The following UGT1A3 variants were observed in gnomAD, a reference collection of about 807,000 sequenced individuals.
UGT1A3 encodes UDP-glucuronosyltransferase 1A3.
In UGT1A3, 31 loss-of-function variants were observed where a neutral mutation model predicts 41.0. That is an observed-to-expected ratio of 0.76 (90% CI 0.57 to 1.02). The LOEUF (loss-of-function observed/expected upper bound fraction) is 1.02, where lower values mean the gene tolerates loss of function less well. Among genes scored for constraint, UGT1A3 ranks in the 50% least tolerant of loss-of-function variants. The pLI, the probability that UGT1A3 is intolerant of heterozygous loss-of-function variation, is 0.00. For missense variants in UGT1A3, 737 were observed against 671.0 expected (o/e 1.10, Z -1.09); for synonymous variants, 262 against 257.6 (o/e 1.02, Z -0.17).
In UGT1A3 at chr2:233,729,398, G is replaced by T; in HGVS notation, c.272G>T (p.Arg91Leu). 6.2e-7 allele frequency: 1 copy of T among 1,613,654 alleles called. No individual in the cohort carries two copies. ...TCGTGGACCCAGGATGAATTTGATC[G>T]CCATGTGCTGGGCCACACTCAACTG... is the stretch of plus-strand genomic sequence containing the variant. ...AISWTQDEFD[R>L]HVLGHTQLYF... Residue 91 changes from arginine to leucine, a missense_variant, in exon 1 of 5, where the codon CGC becomes CTC. Transcript: ENST00000482026.
chr2:233,743,852 G>C (rs770873874), intron 1 of UGT1A3: 2 of 1,367,108 alleles, frequency 1.5e-6, no homozygotes, highest in East Asian at 9.1e-5. Context: ...CTTGCGGTAC[G>C]CCTTCTTGAT....
intron 4 of UGT1A3, chr2:233,771,032 G>A (rs560864303): frequency 1.4e-4 from 22 of 152,232 alleles, no homozygotes; most frequent in African/African-American, 4.8e-4. Flanking sequence ...AGTTGGGGGG[G>A]AAGGTGCCAC....
chr2:233,747,799 A>C, intron 1 of UGT1A3: 1 of 1,613,474 alleles, frequency 6.2e-7, no homozygotes, highest in Non-Finnish European at 8.5e-7. Context: ...TATATTCCTA[A>C]GTTACTAACG....
chr2:233,766,710 C>T (rs1053778775), intron 1 of UGT1A3, among the ~76,000 whole-genome samples: 3 of 152,122 alleles, frequency 2.0e-5, no homozygotes, highest in Non-Finnish European at 1.5e-5. Context: ...TCTGTGTTCT[C>T]TAAGTGGAAT....
At chr2:233,753,552 A>G (rs1695233420) in intron 1 of UGT1A3, 1 of 152,146 alleles carries the variant, frequency 6.6e-6, no homozygotes, top group African/African-American at 2.4e-5. Context: ...CTCAGAGGTG[A>G]CCCTAGAAGA....
intron 1 of UGT1A3, 101 bp from the exon 2 acceptor site, chr2:233,766,933 A>C: frequency 6.3e-7 from 1 of 1,584,088 alleles, no homozygotes; most frequent in South Asian, 1.2e-5. Flanking sequence ...CATGCCTTTA[A>C]TCATAGTCTT....
chr2:233,763,903 G>A lies in UGT1A3; in HGVS notation c.868-3131G>A, dbSNP rs779915264. The stretch of plus-strand genomic sequence containing the variant: ...AGAAAAATAACTAAACAGAAGATTA[G>A]TGAGGACCAAGGCTTCGAGATGGCC... On this transcript the variant is annotated intron_variant, in intron 1 of 4. Coordinates refer to ENST00000482026, the MANE Select transcript of UGT1A3 (RefSeq NM_019093.4). 3.3e-5 allele frequency among the ~76,000 whole-genome samples: 5 copies of A among 152,300 alleles called. No individual in the cohort carries two copies. In the South Asian group the frequency reaches 1.0e-3, roughly 32 times the overall value.
intron 1 of UGT1A3, 63 bp downstream of exon 1, chr2:233,730,056 T>G (rs1178732328): frequency 1.2e-6 from 2 of 1,611,614 alleles, no homozygotes. Flanking sequence ...AAAAATGTAT[T>G]TATTTAAAAT....
At chr2:233,759,133 C>T (rs973211945) in intron 1 of UGT1A3, among the ~76,000 whole-genome samples, 1 of 152,206 alleles carries the variant, frequency 6.6e-6, no homozygotes, top group African/African-American at 2.4e-5. Flanking sequence ...CTCTGGTACG[C>T]AATGAAGGTG....
Position 233,729,462 on chromosome 2 carries a change from A to G in UGT1A3, c.336A>G (p.Arg112=). ...AACATTTTCTGAAGAAATTTTTCAG[A>G]AGTATGGCAATGTTGAACAATATGT... The part of the protein sequence containing the change: ...ETEHFLKKFF[R]SMAMLNNMSL... Residue 112 remains arginine (R), a synonymous_variant, in exon 1 of 5, where the codon AGA becomes AGG. Coordinates refer to ENST00000482026, the MANE Select transcript of UGT1A3 (RefSeq NM_019093.4). The G allele has an allele frequency of 2.5e-6, 4 of 1,614,130 alleles. No homozygotes were observed. The highest frequency in any genetic ancestry group is 3.4e-6 in the Non-Finnish European group (4 of 1,179,988).
At chr2:233,757,313 C>T (rs1359328872) in intron 1 of UGT1A3, among the ~76,000 whole-genome samples, 3 of 66,648 alleles carry the variant, frequency 4.5e-5, no homozygotes, top group African/African-American at 1.8e-4. Context: ...GACAGGGGGG[C>T]TGGGGCCCTG....
chr2:233,751,623 T>C (rs985380326), intron 1 of UGT1A3, among the ~76,000 whole-genome samples: 2 of 152,166 alleles, frequency 1.3e-5, no homozygotes, highest in African/African-American at 4.8e-5. Context: ...GATTGGATCA[T>C]GTGTGCAGTT....
chr2:233,746,172 C>A (rs766361306), intron 1 of UGT1A3, among the ~76,000 whole-genome samples: 1 of 151,822 alleles, frequency 6.6e-6, no homozygotes, highest in Non-Finnish European at 1.5e-5. Flanking sequence ...AAAATCTTGC[C>A]TGTAAGGAAT....
chr2:233,755,241 A>T, intron 1 of UGT1A3: 1 of 865,322 alleles, frequency 1.2e-6, no homozygotes. Context: ...CTACCGGGGT[A>T]CTCCCAGCAC....
chr2:233,729,981 G>A lies in UGT1A3; in HGVS notation c.855G>A (p.Lys285=), dbSNP rs747249815. The stretch of plus-strand genomic sequence containing the variant: ...GGGGCATCAACTGTGCCAACAGGAA[G>A]CCACTATCTCAGGTCTGTATTGGTG... The part of the protein sequence containing the change: ...FIGGINCANR[K]PLSQEFEAYI... Residue 285 remains lysine, a synonymous_variant, in exon 1 of 5, where the codon AAG becomes AAA. Transcript: ENST00000482026. 6.2e-7 allele frequency: 1 copy of A among 1,614,052 alleles called. No homozygotes were observed. Among genetic ancestry groups the A allele is most frequent in the Non-Finnish European group, 8.5e-7 (1 of 1,179,918 alleles).
chr2:233,743,245 C>T, intron 1 of UGT1A3: 3 of 429,418 alleles, frequency 7.0e-6, no homozygotes, highest in Admixed American at 3.0e-5. Context: ...AGGACTTTAA[C>T]TCAACTCTCC....
chr2:233,772,311 G>T lies in UGT1A3; in HGVS notation c.1357G>T (p.Val453Leu), dbSNP rs587784536. 12 of 1,614,228 alleles carry T rather than the reference G, an allele frequency of 7.4e-6. No homozygotes were observed. In the Admixed American group the frequency reaches 1.5e-4, roughly 20 times the overall value. Residue 453 changes from valine (V) to leucine (L), a missense_variant, in exon 5 of 5, where the codon GTG becomes TTG. Transcript: ENST00000482026. ...RLSSLHKDRP[V>L]EPLDLAVFWV... ...CTCCAGCCTTCACAAGGACCGCCCG[G>T]TGGAGCCGCTGGACCTGGCCGTGTT...
At position 233,747,709 on chromosome 2, in the gene UGT1A3, C is replaced by G. The variant is rs1194057066; in HGVS notation, c.867+17716C>G. On this transcript the variant is annotated intron_variant, in intron 1 of 4. Transcript: ENST00000482026. ...GGGGCAGTGCTGGCTAAGTACCTAT[C>G]AATTCCTGCTGTGTTTTTTTTGAGG... 13 of 1,612,750 alleles carry G rather than the reference C, an allele frequency of 8.1e-6. No individual in the cohort carries two copies. The African/African-American group carries it at 1.5e-4, about 18-fold the overall frequency.
chr2:233,747,876 T>C, intron 1 of UGT1A3: 1 of 1,613,612 alleles, frequency 6.2e-7, no homozygotes, highest in South Asian at 1.1e-5. Context: ...GGCCCTGTCC[T>C]ACCTTTGCCA....
Sources: allele counts gnomAD v4.1 joint callset (sites outside exome capture counted in the v4.1 genomes callset), GRCh38; gene constraint gnomAD v4.1.1; transcripts MANE v1.5; gene names NCBI Gene and HGNC (gene_info 2026-07-23, HGNC 2026-07-21).